The following SHC3 variants were observed in gnomAD, a reference collection of about 807,000 sequenced individuals.
The protein encoded by SHC3 is SHC adaptor protein 3, also known as SHC-transforming protein 3.
In SHC3, 15 loss-of-function variants were observed where a neutral mutation model predicts 60.4. The ratio of observed to expected loss-of-function variants is 0.25; its 90% CI spans 0.17 to 0.38. The LOEUF (loss-of-function observed/expected upper bound fraction) is 0.38, where lower values mean the gene tolerates loss of function less well. Ranked by LOEUF, SHC3 falls within the 10% of genes least tolerant of loss-of-function variation. SHC3 has a pLI of 1.00. For synonymous variants in SHC3, 294 were observed against 325.9 expected, an observed-to-expected ratio of 0.90 and a Z score of 1.05; for missense variants, 677 against 786.1, an observed-to-expected ratio of 0.86 and a Z score of 1.66.
rs200472200 is a variant in SHC3 at position 89,028,821 on chromosome 9, C to CAT, written c.1656+9170_1656+9171dup. ...AGAGATCATCTATATCTATATATAG[C>CAT]ATATATATACACACAAACATGTGTG... On this transcript the variant is annotated intron_variant, in intron 11 of 11. Coordinates refer to ENST00000375835, the MANE Select transcript of SHC3 (RefSeq NM_016848.6). 6.7e-3 allele frequency among the ~76,000 whole-genome samples: 970 copies of CAT among 145,132 alleles called. 6 individuals carry two copies. Among genetic ancestry groups the CAT allele is most frequent in the Middle Eastern group, 0.017 (4 of 230 alleles).
At chr9:89,036,799 C>T (rs1034745574) in intron 11 of SHC3, among the ~76,000 whole-genome samples, 1 of 151,916 alleles carries the variant, frequency 6.6e-6, no homozygotes, top group Non-Finnish European at 1.5e-5. Context: ...GGAGTAGTTG[C>T]GATCACAGTT....
chr9:89,153,605 T>C (rs1392095791), intron 1 of SHC3, among the ~76,000 whole-genome samples: 1 of 152,234 alleles, frequency 6.6e-6, no homozygotes, highest in East Asian at 1.9e-4. Context: ...GGGAGGCCCC[T>C]CAGTCACTCC....
intron 10 of SHC3, among the ~76,000 whole-genome samples, chr9:89,040,216 T>TCAGCACCATCATCACTATCACTAC (rs1824660977): frequency 3.8e-4 from 1 of 2,612 alleles, no homozygotes. Flanking sequence ...ACCATCATCA[T>TCAGCACCATCATCACTATCACTAC]CATCACCACC....
chr9:89,029,825 A>T (rs549131954), intron 11 of SHC3, among the ~76,000 whole-genome samples: 1 of 152,338 alleles, frequency 6.6e-6, no homozygotes, highest in Admixed American at 6.5e-5. Flanking sequence ...CTGTAAAAAA[A>T]GTACATATGT....
chr9:89,011,951 G>A lies in SHC3; in HGVS notation c.*1496C>T, dbSNP rs1340174107. On this transcript the variant is annotated 3_prime_UTR_variant, in exon 12 of 12. Transcript: ENST00000375835. The stretch of plus-strand genomic sequence containing the variant: ...CTCATACCATTGGCATTAGAACTTA[G>A]CAGTATTATTATCTGCCAGATTTTT... 1 of 152,230 alleles carries A rather than the reference G, an allele frequency of 6.6e-6. No individual in the cohort carries two copies. Among genetic ancestry groups the A allele is most frequent in the Non-Finnish European group, 1.5e-5 (1 of 68,082 alleles). The allele number at this position is 152,230 out of a possible 1,614,324, so 9.4% of individuals were successfully genotyped here. A position where few individuals can be genotyped will look rare whatever the true frequency, so the allele number is the denominator to read the frequency against.
intron 1 of SHC3, among the ~76,000 whole-genome samples, chr9:89,138,243 C>A (rs2118184897): frequency 6.6e-6 from 1 of 152,316 alleles, no homozygotes; most frequent in African/African-American, 2.4e-5. Flanking sequence ...GTCCATAGAA[C>A]TACGTGAAAG....
rs181629021 is a variant in SHC3, at chr9:89,176,028, G to A, written c.474+1959C>T. Among the ~76,000 whole-genome samples the A allele has an allele frequency of 8.4e-4, 128 of 152,262 alleles. 1 individual carries two copies. The highest frequency in any genetic ancestry group is 1.4e-3 in the Admixed American group (21 of 15,296). On this transcript the variant is annotated intron_variant, in intron 1 of 11. Transcript: ENST00000375835. ...CAGGACAGCAGAGGACAATGCCTGC[G>A]TTTATGTTCACATCACAGCACCATT... is the stretch of plus-strand genomic sequence containing the variant.
Position 89,061,598 on chromosome 9 carries a change from C to T in SHC3, c.835+3931G>A, listed in dbSNP as rs543804539. The stretch of plus-strand genomic sequence containing the variant: ...GTAGGCTTCTCTCCCATTGGGTCAG[C>T]AGCACCTAAGCATAGTCATCACGGT... On this transcript the variant is annotated intron_variant, in intron 6 of 11. Coordinates refer to ENST00000375835, the MANE Select transcript of SHC3 (RefSeq NM_016848.6). Among the ~76,000 whole-genome samples the T allele has an allele frequency of 1.5e-4, 23 of 152,338 alleles. No individual in the cohort carries two copies. In the South Asian group the frequency reaches 4.8e-3, roughly 32 times the overall value.
intron 2 of SHC3, among the ~76,000 whole-genome samples, chr9:89,079,236 G>A (rs1275331898): frequency 6.6e-6 from 1 of 152,118 alleles, no homozygotes; most frequent in Non-Finnish European, 1.5e-5. Context: ...GACCAATCAC[G>A]TATCATCTAA....
chr9:89,028,631 C>T (rs982905136), intron 11 of SHC3, among the ~76,000 whole-genome samples: 7 of 145,136 alleles, frequency 4.8e-5, no homozygotes, highest in African/African-American at 1.5e-4. Flanking sequence ...GATTATCTCT[C>T]TATATAGATA....
At chr9:89,173,762 G>A (rs1056363028) in intron 1 of SHC3, among the ~76,000 whole-genome samples, 1 of 152,052 alleles carries the variant, frequency 6.6e-6, no homozygotes, top group Non-Finnish European at 1.5e-5. Flanking sequence ...TGTGTGGTGT[G>A]TGTGTGCCTT....
At chr9:89,046,202 C>T (rs962622757) in intron 8 of SHC3, among the ~76,000 whole-genome samples, 3 of 151,054 alleles carry the variant, frequency 2.0e-5, no homozygotes, top group Non-Finnish European at 2.9e-5. Flanking sequence ...CGCCCATGAT[C>T]GTTCACACTT....
intron 5 of SHC3, 138 bp downstream of exon 5, chr9:89,071,061 A>G (rs759458172): frequency 3.5e-5 from 24 of 687,310 alleles, no homozygotes; most frequent in Non-Finnish European, 5.4e-5. Flanking sequence ...AAGATCTTCT[A>G]TGGAAATCAG....
rs1354700843 is a variant in SHC3, at chr9:89,044,823, G to A, written c.1201+923C>T. ...TATCTGACTTATAGACAGTTATATC[G>A]ACATTAGTTTTAATGTGTGATGTAG... On this transcript the variant is annotated intron_variant, in intron 9 of 11. Transcript: ENST00000375835. 5.9e-5 allele frequency among the ~76,000 whole-genome samples: 9 copies of A among 152,188 alleles called. No homozygotes were observed. The East Asian group carries it at 1.2e-3, about 20-fold the overall frequency.
intron 2 of SHC3, among the ~76,000 whole-genome samples, chr9:89,088,206 C>G (rs1306975642): frequency 6.6e-6 from 1 of 152,208 alleles, no homozygotes; most frequent in African/African-American, 2.4e-5. Flanking sequence ...AACCCCGACA[C>G]TCCTTTCATT....
rs532077957 is a variant in SHC3 at position 89,113,185 on chromosome 9, C to T, written c.475-559G>A. On this transcript the variant is annotated intron_variant, in intron 1 of 11. Coordinates refer to ENST00000375835, the MANE Select transcript of SHC3 (RefSeq NM_016848.6). ...TTACTTTGGTTTACCAGATCTTCTG[C>T]ATGATCATAAATTTTTAGAAGCTCA... Among the ~76,000 whole-genome samples, 7 of 152,302 alleles carry T rather than the reference C, an allele frequency of 4.6e-5. No homozygotes were observed. In the South Asian group the frequency reaches 1.2e-3, roughly 27 times the overall value.
intron 11 of SHC3, among the ~76,000 whole-genome samples, chr9:89,032,324 A>C (rs1326675033): frequency 6.6e-6 from 1 of 152,192 alleles, no homozygotes; most frequent in Non-Finnish European, 1.5e-5. Context: ...GATTTTATGA[A>C]CAAAATTTCC....
intron 11 of SHC3, among the ~76,000 whole-genome samples, chr9:89,016,543 A>C (rs572447736): frequency 6.6e-6 from 1 of 152,308 alleles, no homozygotes; most frequent in African/African-American, 2.4e-5. Context: ...TAACCTTCTG[A>C]AACAGAAAAC....
Position 89,045,839 on chromosome 9 carries a change from GAC to G in SHC3, c.1114-8_1114-7del, listed in dbSNP as rs1376783063. On this transcript the variant is annotated splice_polypyrimidine_tract_variant and splice_region_variant and intron_variant, in intron 8 of 11. Coordinates refer to ENST00000375835, the MANE Select transcript of SHC3 (RefSeq NM_016848.6). ...GTCTGCTCTTTTCCTGCAAACTATA[GAC>G]ACATGTAAATACACAGAATGAAAAA... 1 of 1,613,184 alleles carries G rather than the reference GAC, an allele frequency of 6.2e-7. No individual in the cohort carries two copies.
Sources: allele counts gnomAD v4.1 joint callset (sites outside exome capture counted in the v4.1 genomes callset), GRCh38; gene constraint gnomAD v4.1.1; transcripts MANE v1.5; gene names NCBI Gene and HGNC (gene_info 2026-07-23, HGNC 2026-07-21).